Variants in BLTP1 observed in about 807,000 individuals in gnomAD.
The protein encoded by BLTP1 is fragile site-associated protein.
At chr4:122,224,203 C>T in the BLTP1 span, 3 of 555,126 alleles carry the variant, frequency 5.4e-6, no homozygotes, top group Non-Finnish European at 6.9e-6. Flanking sequence ...CAAAGTACTA[C>T]TGTAGTTTCT....
the BLTP1 span, among the ~76,000 whole-genome samples, chr4:122,340,014 A>G: frequency 6.6e-6 from 1 of 152,140 alleles, no homozygotes; most frequent in African/African-American, 2.4e-5. Flanking sequence ...TAGAGATCAC[A>G]CATGCAAATG....
the BLTP1 span, chr4:122,254,450 A>T: frequency 7.8e-7 from 1 of 1,284,692 alleles, no homozygotes; most frequent in Non-Finnish European, 1.0e-6. Flanking sequence ...TGGTATATAT[A>T]GTATTAAGGT....
the BLTP1 span, chr4:122,362,592 TTGA>T: frequency 1.2e-5 from 2 of 171,382 alleles, no homozygotes; most frequent in Non-Finnish European, 2.5e-5. Context: ...AAAAATCTTG[TTGA>T]TGATAATGTG....
chr4:122,229,387 C>G, the BLTP1 span: 1 of 561,914 alleles, frequency 1.8e-6, no homozygotes, highest in Non-Finnish European at 3.0e-6. Context: ...TTTACTAATC[C>G]ATGTTCTCTT....
chr4:122,315,527 A>T, the BLTP1 span: 51 of 1,614,152 alleles, frequency 3.2e-5, no homozygotes, highest in Non-Finnish European at 4.0e-5. Flanking sequence ...TGATGTTCAC[A>T]TGGATCCTAA....
chr4:122,164,652 A>C, the BLTP1 span, among the ~76,000 whole-genome samples: 1 of 151,894 alleles, frequency 6.6e-6, no homozygotes, highest in Non-Finnish European at 1.5e-5. Context: ...AGTTATTTTG[A>C]TGTGACTATA....
At chr4:122,212,035 T>C in the BLTP1 span, 1 of 983,764 alleles carries the variant, frequency 1.0e-6, no homozygotes, top group Non-Finnish European at 1.2e-6. Flanking sequence ...AATACCTAGC[T>C]GACAAGGAAT....
chr4:122,357,542 C>T, the BLTP1 span, among the ~76,000 whole-genome samples: 1 of 149,092 alleles, frequency 6.7e-6, no homozygotes, highest in Non-Finnish European at 1.5e-5. Context: ...CACCACACTC[C>T]AGCCTGGGTG....
the BLTP1 span, chr4:122,272,464 T>G: frequency 7.3e-7 from 1 of 1,377,432 alleles, no homozygotes; most frequent in Non-Finnish European, 9.9e-7. Context: ...GCTACTTCTC[T>G]GAAGAAAACC....
chr4:122,226,890 G>A, the BLTP1 span: 3 of 1,361,762 alleles, frequency 2.2e-6, no homozygotes, highest in South Asian at 4.4e-5. Flanking sequence ...TTTAAAAAAT[G>A]GAATATTGAG....
chr4:122,209,136 G>C, the BLTP1 span: 1 of 1,586,878 alleles, frequency 6.3e-7, no homozygotes, highest in Non-Finnish European at 8.6e-7. Flanking sequence ...TTATTACTTT[G>C]GCTTATTATA....
At chr4:122,186,580 G>A in the BLTP1 span, among the ~76,000 whole-genome samples, 8 of 151,860 alleles carry the variant, frequency 5.3e-5, no homozygotes, top group Non-Finnish European at 7.4e-5. Context: ...AAACATATGT[G>A]TTTAGAATAT....
chr4:122,254,975 A>G, the BLTP1 span: 1 of 1,547,664 alleles, frequency 6.5e-7, no homozygotes, highest in Admixed American at 1.8e-5. Flanking sequence ...TAAATAATAC[A>G]AGGTATTATA....
chr4:122,324,382 A>C, the BLTP1 span: 3 of 1,566,138 alleles, frequency 1.9e-6, no homozygotes, highest in Non-Finnish European at 1.7e-6. Context: ...CAAATACAGT[A>C]AATAATCACC....
chr4:122,249,517 T>C, the BLTP1 span: 2 of 1,613,634 alleles, frequency 1.2e-6, no homozygotes, highest in Non-Finnish European at 8.5e-7. Flanking sequence ...TGCTATTCCT[T>C]TTGAGAAGTC....
At chr4:122,209,701 G>C in the BLTP1 span, 1 of 1,301,412 alleles carries the variant, frequency 7.7e-7, no homozygotes, top group East Asian at 2.6e-5. Context: ...GTGCTTATAT[G>C]TGGAGAAATT....
chr4:122,166,968 T>C, the BLTP1 span, among the ~76,000 whole-genome samples: 12 of 152,294 alleles, frequency 7.9e-5, no homozygotes, highest in Admixed American at 2.0e-4. Context: ...TATCATTCTT[T>C]GGGTACTTCT....
the BLTP1 span, among the ~76,000 whole-genome samples, chr4:122,303,015 C>T: frequency 0.058 from 8,842 of 152,242 alleles, 356 homozygotes; most frequent in Middle Eastern, 0.088. Context: ...AAGGTGGTTA[C>T]GCTAAACGAC....
chr4:122,188,245 G>C, the BLTP1 span: 1 of 659,588 alleles, frequency 1.5e-6, no homozygotes, highest in Non-Finnish European at 1.9e-6. Context: ...TTCTTTATAG[G>C]ATAAATGGAT....
Sources: allele counts gnomAD v4.1 joint callset (sites outside exome capture counted in the v4.1 genomes callset), GRCh38; gene constraint gnomAD v4.1.1; transcripts MANE v1.5; gene names NCBI Gene and HGNC (gene_info 2026-07-23, HGNC 2026-07-21).